The following ERC2 variants were observed in gnomAD, a reference collection of about 807,000 sequenced individuals.
ERC2 encodes the protein ELKS/RAB6-interacting/CAST family member 2, also known as ERC protein 2.
A neutral mutation model predicts 114.8 loss-of-function variants in ERC2; 42 were observed. The ratio of observed to expected loss-of-function variants is 0.37; its 90% CI spans 0.29 to 0.47. The LOEUF is 0.47. Among genes scored for constraint, ERC2 ranks in the 20% least tolerant of loss-of-function variants. The pLI is 0.99. For missense variants in ERC2, 939 were observed against 1,150.7 expected, an observed-to-expected ratio of 0.82 and a Z score of 2.66; for synonymous variants, 454 against 425.5, an observed-to-expected ratio of 1.07 and a Z score of -0.82.
intron 17 of ERC2, among the ~76,000 whole-genome samples, chr3:55,653,714 C>G (rs544032011): frequency 1.3e-5 from 2 of 152,174 alleles, no homozygotes; most frequent in East Asian, 3.9e-4. Flanking sequence ...GACTGTTTAA[C>G]TTTTTATGCA....
At chr3:56,104,739 C>G (rs1447901422) in intron 6 of ERC2, among the ~76,000 whole-genome samples, 1 of 151,860 alleles carries the variant, frequency 6.6e-6, no homozygotes, top group African/African-American at 2.4e-5. Context: ...GAATTTCATC[C>G]ATTTATTTAA....
intron 13 of ERC2, among the ~76,000 whole-genome samples, chr3:55,906,111 A>G (rs191925982): frequency 9.9e-4 from 150 of 152,270 alleles, no homozygotes; most frequent in African/African-American, 3.5e-3. Flanking sequence ...GACACTTAGT[A>G]AGTACTCACC....
At chr3:55,800,038 TG>T (rs2070911743) in intron 14 of ERC2, among the ~76,000 whole-genome samples, 1 of 152,190 alleles carries the variant, frequency 6.6e-6, no homozygotes, top group African/African-American at 2.4e-5. Flanking sequence ...TGAAACAAGA[TG>T]GAAGATGGAA....
chr3:55,685,445 T>C (rs1183778790), intron 16 of ERC2, among the ~76,000 whole-genome samples: 2 of 152,356 alleles, frequency 1.3e-5, no homozygotes, highest in African/African-American at 4.8e-5. Context: ...GCCAAGAAAC[T>C]TCCCTTTTCC....
At chr3:55,830,085 A>T (rs1466702060) in intron 14 of ERC2, among the ~76,000 whole-genome samples, 1 of 152,238 alleles carries the variant, frequency 6.6e-6, no homozygotes, top group Non-Finnish European at 1.5e-5. Context: ...TAGGCTTCAA[A>T]GCAGTTACAG....
At chr3:56,062,717 C>T (rs2076296178) in intron 7 of ERC2, among the ~76,000 whole-genome samples, 1 of 152,040 alleles carries the variant, frequency 6.6e-6, no homozygotes, top group South Asian at 2.1e-4. Flanking sequence ...CATTAGTATA[C>T]CACCAGAATT....
At chr3:56,129,420 G>A (rs1164037966) in intron 6 of ERC2, among the ~76,000 whole-genome samples, 1 of 152,146 alleles carries the variant, frequency 6.6e-6, no homozygotes. Flanking sequence ...CAAAGAAAAA[G>A]AAGGGAATGG....
At chr3:55,983,520 A>G (rs1191585574) in intron 12 of ERC2, among the ~76,000 whole-genome samples, 3 of 152,182 alleles carry the variant, frequency 2.0e-5, no homozygotes, top group South Asian at 4.1e-4. Context: ...CATTTTACCA[A>G]ACCCAGTACT....
intron 14 of ERC2, among the ~76,000 whole-genome samples, chr3:55,802,002 C>T (rs1477775434): frequency 6.6e-6 from 1 of 152,156 alleles, no homozygotes; most frequent in Non-Finnish European, 1.5e-5. Flanking sequence ...GTTTCAGGGA[C>T]CACACTCTGA....
chr3:55,863,584 A>G (rs1285197392), intron 14 of ERC2, among the ~76,000 whole-genome samples: 2 of 152,100 alleles, frequency 1.3e-5, no homozygotes, highest in Non-Finnish European at 2.9e-5. Flanking sequence ...AGCCACTTTG[A>G]ATGGTTTTGC....
At chr3:56,132,018 T>G (rs2080232483) in intron 6 of ERC2, among the ~76,000 whole-genome samples, 1 of 152,246 alleles carries the variant, frequency 6.6e-6, no homozygotes, top group African/African-American at 2.4e-5. Context: ...CCACCTTATA[T>G]GCTATGGCAA....
chr3:55,685,971 A>G (rs1373054010), intron 16 of ERC2, among the ~76,000 whole-genome samples: 4 of 152,246 alleles, frequency 2.6e-5, no homozygotes, highest in African/African-American at 9.6e-5. Flanking sequence ...AAGAAAAGCC[A>G]CTGCCACCAA....
chr3:55,625,678 G>A (rs905365506), intron 17 of ERC2, among the ~76,000 whole-genome samples: 13 of 152,160 alleles, frequency 8.5e-5, no homozygotes, highest in Non-Finnish European at 1.9e-4. Context: ...GTGAACCTGG[G>A]AGGCGGAGTT....
At chr3:56,169,549 A>G (rs748331145) in intron 4 of ERC2, among the ~76,000 whole-genome samples, 9 of 152,182 alleles carry the variant, frequency 5.9e-5, no homozygotes, top group Non-Finnish European at 1.3e-4. Context: ...TTGCCTGAAA[A>G]TAGAGCTCAC....
At chr3:55,883,417 G>A (rs1434658806) in intron 14 of ERC2, among the ~76,000 whole-genome samples, 1 of 152,126 alleles carries the variant, frequency 6.6e-6, no homozygotes. Flanking sequence ...CAGCCTAAGA[G>A]TGGATGTAAG....
chr3:56,437,535 A>T (rs893401036), intron 1 of ERC2, among the ~76,000 whole-genome samples: 1 of 152,260 alleles, frequency 6.6e-6, no homozygotes, highest in African/African-American at 2.4e-5. Context: ...ATAGTGACAC[A>T]TACAGTATGA....
At chr3:56,446,806 G>A (rs2062597313) in intron 1 of ERC2, among the ~76,000 whole-genome samples, 1 of 150,794 alleles carries the variant, frequency 6.6e-6, no homozygotes, top group Non-Finnish European at 1.5e-5. Flanking sequence ...TTGTATTTTG[G>A]GGTAGGGACA....
At chr3:55,968,316 A>C (rs1272857688) in intron 12 of ERC2, among the ~76,000 whole-genome samples, 1 of 152,226 alleles carries the variant, frequency 6.6e-6, no homozygotes, top group Admixed American at 6.5e-5. Context: ...ACCTGAAAAC[A>C]TGATGACTCA....
chr3:56,462,973 T>C lies in ERC2; in HGVS notation c.-141+5275A>G, dbSNP rs191557311. ...TGGGCATGGTGGCTCACACCTCTAA[T>C]CCCAGCACTTTGGGAGGCCAAGGCA... On this transcript the variant is annotated intron_variant, in intron 1 of 17. Transcript: ENST00000288221. Among the ~76,000 whole-genome samples the C allele has an allele frequency of 2.0e-5, 3 of 152,254 alleles. No individual in the cohort carries two copies. The East Asian group carries it at 5.8e-4, about 29-fold the overall frequency.
Sources: allele counts gnomAD v4.1 joint callset (sites outside exome capture counted in the v4.1 genomes callset), GRCh38; gene constraint gnomAD v4.1.1; transcripts MANE v1.5; gene names NCBI Gene and HGNC (gene_info 2026-07-23, HGNC 2026-07-21).